The following CRTAM variants were observed in gnomAD, a reference collection of about 807,000 sequenced individuals.
CRTAM encodes the protein cytotoxic and regulatory T-cell molecule.
CRTAM carries 44 observed loss-of-function variants against 50.0 expected under a neutral mutation model. The observed-to-expected ratio is 0.88, with a 90% confidence interval of 0.69 to 1.13. The LOEUF (loss-of-function observed/expected upper bound fraction) is 1.13, where lower values mean the gene tolerates loss of function less well. CRTAM is among the 50% of genes most tolerant of loss of function. The pLI is 0.00. For missense variants in CRTAM, 448 were observed against 457.5 expected, an observed-to-expected ratio of 0.98 and a Z score of 0.19; for synonymous variants, 159 against 169.3, an observed-to-expected ratio of 0.94 and a Z score of 0.47.
intron 5 of CRTAM, among the ~76,000 whole-genome samples, chr11:122,861,985 A>G (rs1234317834): frequency 6.6e-6 from 1 of 152,160 alleles, no homozygotes; most frequent in Non-Finnish European, 1.5e-5. Flanking sequence ...TCGAAGAGGT[A>G]AATGCTGTCA....
At chr11:122,854,394 G>A (rs1861977855) in intron 4 of CRTAM, among the ~76,000 whole-genome samples, 1 of 152,080 alleles carries the variant, frequency 6.6e-6, no homozygotes. Flanking sequence ...TATCTCAGGC[G>A]AGGCACAATG....
Position 122,867,424 on chromosome 11 carries a change from A to G in CRTAM, c.833A>G (p.Tyr278Cys), listed in dbSNP as rs1169851121. ...TTCCTTATAGAAGCAAATCCTCAGT[A>G]TTTAGGACTGGCAAGAAAGAAAAGT... is the stretch of plus-strand genomic sequence containing the variant. ...PDLTTEANPQ[Y>C]LGLARKKSGI... The change falls in exon 8 of 10, where the codon TAT becomes TGT. Residue 278 changes from tyrosine to cysteine, a missense_variant. By Grantham distance (194) the Tyr-to-Cys change is radical. Transcript: ENST00000227348. 6.2e-7 allele frequency: 1 copy of G among 1,613,142 alleles called. No homozygotes were observed. Among genetic ancestry groups the G allele is most frequent in the African/African-American group, 1.3e-5 (1 of 74,708 alleles).
At chr11:122,868,185 A>ATT in intron 9 of CRTAM, 86 bp downstream of exon 9, 1 of 644,470 alleles carries the variant, frequency 1.6e-6, no homozygotes, top group Non-Finnish European at 2.8e-6. Flanking sequence ...GAGACAACAG[A>ATT]ATATGTGTGT....
At chr11:122,839,842 G>A (rs1861777938) in intron 1 of CRTAM, among the ~76,000 whole-genome samples, 2 of 152,106 alleles carry the variant, frequency 1.3e-5, no homozygotes. Context: ...TAAAAAACTC[G>A]ATTTCCTATT....
chr11:122,860,311 A>G (rs1283128364), intron 5 of CRTAM, among the ~76,000 whole-genome samples: 1 of 152,068 alleles, frequency 6.6e-6, no homozygotes, highest in Admixed American at 6.6e-5. Flanking sequence ...TCACCTTCCA[A>G]AGTGCTAGGA....
intron 6 of CRTAM, among the ~76,000 whole-genome samples, chr11:122,863,226 T>TATGA (rs1344290765): frequency 1.2e-4 from 9 of 77,534 alleles, no homozygotes; most frequent in African/African-American, 3.9e-4. Flanking sequence ...GAAAATGAAT[T>TATGA]ACGAAAGAAA....
At chr11:122,850,423 C>A (rs1412953777) in intron 2 of CRTAM, among the ~76,000 whole-genome samples, 1 of 152,196 alleles carries the variant, frequency 6.6e-6, no homozygotes, top group Non-Finnish European at 1.5e-5. Context: ...GGAAACCCCA[C>A]CAGAATGGTT....
intron 2 of CRTAM, among the ~76,000 whole-genome samples, chr11:122,850,611 C>A (rs1423704952): frequency 6.6e-6 from 1 of 152,338 alleles, no homozygotes; most frequent in Admixed American, 6.5e-5. Flanking sequence ...CCAGCTGCTT[C>A]GTTTTCCATC....
intron 1 of CRTAM, among the ~76,000 whole-genome samples, chr11:122,846,845 C>T (rs1861869914): frequency 6.6e-6 from 1 of 152,092 alleles, no homozygotes; most frequent in Non-Finnish European, 1.5e-5. Context: ...CTACTAGGAC[C>T]TAACTGCTTC....
chr11:122,860,424 A>T (rs1025681524), intron 5 of CRTAM, among the ~76,000 whole-genome samples: 4 of 152,180 alleles, frequency 2.6e-5, no homozygotes, highest in African/African-American at 9.7e-5. Context: ...ACCATATTGG[A>T]TAGCAGAGGT....
chr11:122,839,021 C>G (rs1411440188), intron 1 of CRTAM, among the ~76,000 whole-genome samples: 1 of 152,120 alleles, frequency 6.6e-6, no homozygotes, highest in African/African-American at 2.4e-5. Context: ...CTCCGCCTCC[C>G]GGGTTCACGC....
chr11:122,838,522 A>C lies in CRTAM; in HGVS notation c.-25A>C, dbSNP rs1444589403. The C allele has an allele frequency of 6.2e-7, 1 of 1,611,658 alleles. No individual in the cohort carries two copies. Among genetic ancestry groups the C allele is most frequent in the Admixed American group, 1.7e-5 (1 of 59,442 alleles). On this transcript the variant is annotated 5_prime_UTR_variant, in exon 1 of 10. Transcript: ENST00000227348. The stretch of plus-strand genomic sequence containing the variant: ...CTCAGAATCTAGAGGAAGTTGACAA[A>C]GGTGCCACAGCAGCACAGCACAGTA...
intron 4 of CRTAM, among the ~76,000 whole-genome samples, chr11:122,855,207 G>A (rs1366805146): frequency 6.6e-6 from 1 of 152,200 alleles, no homozygotes; most frequent in Non-Finnish European, 1.5e-5. Flanking sequence ...GCCTCCCAGA[G>A]TGCTGGGATT....
chr11:122,864,628 C>T lies in CRTAM; in HGVS notation c.734-8C>T. 1 of 1,596,852 alleles carries T rather than the reference C, an allele frequency of 6.3e-7. No individual in the cohort carries two copies. Among genetic ancestry groups the T allele is most frequent in the South Asian group, 1.1e-5 (1 of 90,672 alleles). On this transcript the variant is annotated splice_region_variant and splice_polypyrimidine_tract_variant and intron_variant, in intron 6 of 9. Coordinates refer to ENST00000227348, the MANE Select transcript of CRTAM (RefSeq NM_019604.4). ...GCATAGCTCATGTTTTATCTTCTTT[C>T]ACTTTAGTCTCAGTAACGGAAGATT...
At chr11:122,853,440 G>A (rs958488748) in intron 3 of CRTAM, among the ~76,000 whole-genome samples, 3 of 152,026 alleles carry the variant, frequency 2.0e-5, no homozygotes, top group Non-Finnish European at 4.4e-5. Context: ...ACAACACACT[G>A]AGTAATACAC....
rs181587715 is a variant in CRTAM at position 122,862,352 on chromosome 11, A to G, written c.653-112A>G. The stretch of plus-strand genomic sequence containing the variant: ...ACACACAGTTCTGGGGTTTCTGCAC[A>G]ACCTCTACAAGCAGGTAGCCGCTAA... On this transcript the variant is annotated intron_variant, in intron 5 of 9. Coordinates refer to ENST00000227348, the MANE Select transcript of CRTAM (RefSeq NM_019604.4). 3,546 of 725,132 alleles carry G rather than the reference A, an allele frequency of 4.9e-3. 25 individuals are homozygous for G. Among genetic ancestry groups the G allele is most frequent in the Non-Finnish European group, 4.6e-3 (1,837 of 402,448 alleles). 44.9% of individuals were successfully genotyped at this position (725,132 alleles called of 1,614,324 possible). A position where few individuals can be genotyped will look rare whatever the true frequency, so the allele number is the denominator to read the frequency against.
chr11:122,854,177 T>C (rs952566055), intron 4 of CRTAM, 91 bp downstream of exon 4: 2 of 1,270,866 alleles, frequency 1.6e-6, no homozygotes, highest in Admixed American at 2.4e-5. Flanking sequence ...TGGCAGACAA[T>C]GCCAGAAGAC....
At chr11:122,852,420 A>T (rs910729641) in intron 3 of CRTAM, among the ~76,000 whole-genome samples, 5 of 152,250 alleles carry the variant, frequency 3.3e-5, no homozygotes, top group Non-Finnish European at 5.9e-5. Flanking sequence ...CAGATGGTCA[A>T]CTGTGTCCAG....
intron 5 of CRTAM, among the ~76,000 whole-genome samples, chr11:122,861,421 T>TATATATATATATATATATATATATATATA (rs1491588971): frequency 4.1e-5 from 1 of 24,426 alleles, no homozygotes; most frequent in African/African-American, 1.8e-4. Flanking sequence ...TATATATATA[T>TATATATATATATATATATATATATATATA]TTTTTTTTTT....
Sources: gnomAD v4.1 joint callset for allele counts (sites outside exome capture counted in the v4.1 genomes callset) on GRCh38, gnomAD v4.1.1 for gene constraint, MANE v1.5 for transcripts, NCBI Gene and HGNC (gene_info 2026-07-23, HGNC 2026-07-21) for gene names.